Variants in TLE5 observed in about 807,000 individuals in gnomAD.
TLE5 encodes the protein TLE family member 5.
TLE5 carries 7 observed loss-of-function variants against 25.8 expected under a neutral mutation model. The ratio of observed to expected loss-of-function variants is 0.27; its 90% confidence interval spans 0.15 to 0.51. TLE5 has a LOEUF of 0.51. Ranked by LOEUF, TLE5 falls within the 20% of genes least tolerant of loss-of-function variation. The pLI is 0.97. For missense variants in TLE5, 149 were observed against 250.7 expected, an observed-to-expected ratio of 0.59 and a Z score of 2.74; for synonymous variants, 132 against 110.5, an observed-to-expected ratio of 1.20 and a Z score of -1.22.
At chr19:3,060,173 C>T (rs1236868846) in intron 2 of TLE5, among the ~76,000 whole-genome samples, 4 of 151,984 alleles carry the variant, frequency 2.6e-5, no homozygotes, top group South Asian at 4.1e-4. Flanking sequence ...CCAGGCCCGG[C>T]GTGCCCCTCC....
intron 2 of TLE5, 135 bp from the exon 3 acceptor site, chr19:3,057,877 A>G: frequency 1.3e-6 from 1 of 776,492 alleles, no homozygotes; most frequent in East Asian, 2.7e-5. Context: ...TCAGAGGGTC[A>G]AGCAATAATT....
At chr19:3,055,752 T>A in intron 4 of TLE5, 26 bp from the exon 5 acceptor site, 1 of 1,591,902 alleles carries the variant, frequency 6.3e-7, no homozygotes, top group Non-Finnish European at 8.6e-7. Context: ...GAAGCCGGCT[T>A]CAGTCCTGGG....
At position 3,056,351 on chromosome 19, in the gene TLE5, G is replaced by C; in HGVS notation, c.195C>G (p.Tyr65Ter). 7.2e-7 allele frequency: 1 copy of C among 1,387,154 alleles called. No individual in the cohort carries two copies. Among genetic ancestry groups the C allele is most frequent in the Non-Finnish European group, 9.6e-7 (1 of 1,045,060 alleles). The allele number at this position is 1,387,154 out of a possible 1,614,324, so 85.9% of individuals were successfully genotyped here. Residue 65 changes from tyrosine to a stop codon, truncating the protein, a stop_gained, in exon 4 of 7, where the codon TAC becomes TAG. Transcript: ENST00000327141. LOFTEE classifies it high-confidence loss of function. ...SEMQRHYVMY[Y>*]EMSYGLNIEM... ...CGATGTTCAAGCCGTAGGACATCTC[G>C]TAGTACTGTATGGGGGAGAGAGAGG...
At chr19:3,062,075 C>G (rs1330077780) in intron 1 of TLE5, 99 bp downstream of exon 1, 2 of 330,498 alleles carry the variant, frequency 6.1e-6, no homozygotes, top group South Asian at 1.3e-4. Flanking sequence ...CCGGAGGCAC[C>G]GGGCCTGGGG....
Position 3,062,287 on chromosome 19 carries a change from C to T in TLE5, c.-87G>A. ...GGGCGCCGGGCGGCCGCGCCTTTGT[C>T]CCGGCGCCGATCGGCAGCTCCCGGG... On this transcript the variant is annotated 5_prime_UTR_variant, in exon 1 of 7. Coordinates refer to ENST00000327141, the MANE Select transcript of TLE5 (RefSeq NM_001130.6). The T allele has an allele frequency of 1.0e-6, 1 of 996,894 alleles. No homozygotes were observed. Among genetic ancestry groups the T allele is most frequent in the Non-Finnish European group, 1.2e-6 (1 of 838,708 alleles). 61.8% of individuals were successfully genotyped at this position (996,894 alleles called of 1,614,324 possible). A position where few individuals can be genotyped will look rare whatever the true frequency, so the allele number is the denominator to read the frequency against.
chr19:3,058,232 G>A (rs548663699), intron 2 of TLE5, among the ~76,000 whole-genome samples: 7 of 152,280 alleles, frequency 4.6e-5, no homozygotes, highest in African/African-American at 1.7e-4. Context: ...ACAGAAGTTA[G>A]AGGGGGCACG....
intron 3 of TLE5, chr19:3,056,677 C>T: frequency 1.8e-6 from 1 of 544,038 alleles, no homozygotes; most frequent in Non-Finnish European, 3.5e-6. Context: ...TTCCAGGGCT[C>T]CTAATCTTGT....
chr19:3,054,086 T>TGGGGGGGGG, intron 6 of TLE5, 34 bp downstream of exon 6: 6 of 1,512,572 alleles, frequency 4.0e-6, no homozygotes, highest in African/African-American at 1.4e-5. Context: ...GGCCCACCTG[T>TGGGGGGGGG]CCCCCGCCCA....
At chr19:3,060,109 G>A (rs2090252118) in intron 2 of TLE5, among the ~76,000 whole-genome samples, 1 of 152,042 alleles carries the variant, frequency 6.6e-6, no homozygotes, top group Admixed American at 6.6e-5. Context: ...TCAGTTTAGA[G>A]AGGGCCCCAA....
chr19:3,061,897 G>C (rs2090273094), intron 1 of TLE5, among the ~76,000 whole-genome samples: 1 of 141,128 alleles, frequency 7.1e-6, no homozygotes, highest in Non-Finnish European at 1.6e-5. Context: ...GGGGGGGGGG[G>C]GCGCCAAGCC....
intron 3 of TLE5, 28 bp downstream of exon 3, chr19:3,057,651 A>G: frequency 6.2e-7 from 1 of 1,608,934 alleles, no homozygotes; most frequent in Non-Finnish European, 8.5e-7. Flanking sequence ...CGCCCCCAAC[A>G]CTGGACCTGG....
chr19:3,055,351 A>C (rs926438708), intron 5 of TLE5: 2 of 220,980 alleles, frequency 9.1e-6, no homozygotes, highest in Admixed American at 1.1e-4. Flanking sequence ...GAAAGGAGGA[A>C]GAGAGATGAG....
chr19:3,056,787 G>A (rs376452535), intron 3 of TLE5: 1 of 254,472 alleles, frequency 3.9e-6, no homozygotes, highest in African/African-American at 2.4e-5. Flanking sequence ...TGGCTCTGGG[G>A]CCAGCAGCTA....
In TLE5 at chr19:3,053,927, G is replaced by A. The variant is rs568450312; in HGVS notation, c.486C>T (p.Gly162=). 6.2e-5 allele frequency: 100 copies of A among 1,612,792 alleles called. 1 individual carries two copies. The South Asian group carries it at 9.9e-4, about 16-fold the overall frequency. The change falls in exon 7 of 7, where the codon GGC becomes GGT. Residue 162 remains glycine (G), a synonymous_variant. Coordinates refer to ENST00000327141, the MANE Select transcript of TLE5 (RefSeq NM_001130.6). The stretch of plus-strand genomic sequence containing the variant: ...AACCCAGCGCGGACAGCGAGAGGAG[G>A]CCGGTGCCTGCGCTGACCGCCGGCA... The part of the protein sequence containing the change: ...PSLPAVSAGT[G]LLSLSALGSQ...
chr19:3,060,584 G>A (rs1185494486), intron 2 of TLE5, among the ~76,000 whole-genome samples: 3 of 151,880 alleles, frequency 2.0e-5, no homozygotes, highest in South Asian at 4.2e-4. Context: ...CACCTTCCTC[G>A]GCCTCCCAAA....
chr19:3,054,112 A>G lies in TLE5; in HGVS notation c.372+8T>C. On this transcript the variant is annotated splice_region_variant and intron_variant, in intron 6 of 6. Transcript: ENST00000327141. Reference sequence around the variant, plus strand: ...CCCCCGCCCACCCGCCCAGGTCCCCATACATACTCGGATGATAGAGTTCAG... The same window carrying G: ...CCCCCGCCCACCCGCCCAGGTCCCCGTACATACTCGGATGATAGAGTTCAG... The G allele has an allele frequency of 3.0e-6, 1 of 332,646 alleles. No individual in the cohort carries two copies. Among genetic ancestry groups the G allele is most frequent in the Non-Finnish European group, 5.1e-6 (1 of 197,906 alleles). The allele number at this position is 332,646 out of a possible 1,614,324, so 20.6% of individuals were successfully genotyped here. A position where few individuals can be genotyped will look rare whatever the true frequency, so the allele number is the denominator to read the frequency against.
In TLE5 at chr19:3,054,171, G is replaced by A. The variant is rs200971481; in HGVS notation, c.321C>T (p.Ala107=). The change falls in exon 6 of 7, where the codon GCC becomes GCT. Residue 107 remains alanine, a synonymous_variant. Transcript: ENST00000327141. ...SQEHQQQVLG[A]IERAKQVTAP... ...CGGTGACCTGCTTGGCCCTCTCAATGGCTCCCAAGACCTGCTGCTGGTGCT... is the reference window on the plus strand; with the variant it reads ...CGGTGACCTGCTTGGCCCTCTCAATAGCTCCCAAGACCTGCTGCTGGTGCT... The A allele has an allele frequency of 1.5e-4, 244 of 1,586,174 alleles. No homozygotes were observed. The highest frequency in any genetic ancestry group is 1.1e-4 in the Non-Finnish European group (129 of 1,171,388).
In TLE5 at chr19:3,053,449, C is replaced by T; in HGVS notation, c.*370G>A. Reference sequence around the variant, plus strand: ...CAGTACCAGGGTGAGAGGGCTGTGGCCCAGGCAGACTGTCGGTTACACATG... The same window carrying T: ...CAGTACCAGGGTGAGAGGGCTGTGGTCCAGGCAGACTGTCGGTTACACATG... On this transcript the variant is annotated 3_prime_UTR_variant, in exon 7 of 7. Transcript: ENST00000327141. The T allele has an allele frequency of 3.5e-6, 1 of 284,436 alleles. No homozygotes were observed. The highest frequency in any genetic ancestry group is 6.7e-6 in the Non-Finnish European group (1 of 149,276). 17.6% of individuals were successfully genotyped at this position (284,436 alleles called of 1,614,324 possible). A position where few individuals can be genotyped will look rare whatever the true frequency, so the allele number is the denominator to read the frequency against.
intron 3 of TLE5, chr19:3,056,722 C>T (rs75277470): frequency 0.025 from 9,857 of 389,334 alleles, 452 homozygotes; most frequent in East Asian, 0.14. Flanking sequence ...TGGGCCCAGA[C>T]GCCAGGGAAG....
Sources: gnomAD v4.1 joint callset for allele counts (sites outside exome capture counted in the v4.1 genomes callset) on GRCh38, gnomAD v4.1.1 for gene constraint, MANE v1.5 for transcripts, NCBI Gene and HGNC (gene_info 2026-07-23, HGNC 2026-07-21) for gene names.